The following LRRC8B variants were observed in gnomAD, a reference collection of about 807,000 sequenced individuals.
LRRC8B encodes volume-regulated anion channel subunit LRRC8B.
In LRRC8B, 23 loss-of-function variants were observed where a neutral mutation model predicts 58.8. That is an observed-to-expected ratio of 0.39 (90% CI 0.28 to 0.55). The LOEUF (loss-of-function observed/expected upper bound fraction) is 0.55, where lower values mean the gene tolerates loss of function less well. Among genes scored for constraint, LRRC8B ranks in the 20% least tolerant of loss-of-function variants. The probability of loss-of-function intolerance (pLI) is 0.62; values close to 1 mark genes in which losing one functional copy is unlikely to be tolerated. For missense variants in LRRC8B, 694 were observed against 936.0 expected, an observed-to-expected ratio of 0.74 and a Z score of 3.37; for synonymous variants, 359 against 374.1, an observed-to-expected ratio of 0.96 and a Z score of 0.47.
At chr1:89,567,265 G>A (rs144097334) in intron 1 of LRRC8B, among the ~76,000 whole-genome samples, 144 of 152,294 alleles carry the variant, frequency 9.5e-4, no homozygotes, top group African/African-American at 3.3e-3. Context: ...AGGAAGAAAG[G>A]TGATAAGTTT....
At chr1:89,526,166 C>A (rs1649679308) in intron 1 of LRRC8B, among the ~76,000 whole-genome samples, 1 of 152,198 alleles carries the variant, frequency 6.6e-6, no homozygotes, top group Non-Finnish European at 1.5e-5. Context: ...CCAGTACCCT[C>A]TATGTGTACA....
rs187670143 is a variant in LRRC8B at position 89,569,983 on chromosome 1, G to A, written c.-125+1490G>A. ...TGGCTTGCAGAACATTTGGTTTTCT[G>A]TTCCTGCATTAGTTTGCTAAGGATA... On this transcript the variant is annotated intron_variant, in intron 3 of 5. Transcript: ENST00000330947. 2.0e-4 allele frequency among the ~76,000 whole-genome samples: 31 copies of A among 152,192 alleles called. No individual in the cohort carries two copies. The East Asian group carries it at 6.0e-3, about 29-fold the overall frequency.
At chr1:89,559,420 C>T (rs1359349897) in intron 1 of LRRC8B, among the ~76,000 whole-genome samples, 2 of 151,816 alleles carry the variant, frequency 1.3e-5, no homozygotes, top group Admixed American at 1.3e-4. Context: ...CGAGGTGGGA[C>T]AATTGCTTGT....
chr1:89,591,031 C>A (rs1449146876), intron 5 of LRRC8B, among the ~76,000 whole-genome samples: 1 of 152,132 alleles, frequency 6.6e-6, no homozygotes, highest in Non-Finnish European at 1.5e-5. Context: ...ATTTTTCCAC[C>A]CACAATGTCA....
rs372161302 is a variant in LRRC8B at position 89,590,929 on chromosome 1, A to C, written c.2140-1842A>C. ...TCTGGAAACATTTTTGGTTGTCACA[A>C]CTGGGAAGGGGAGTGGCACTGGTAA... On this transcript the variant is annotated intron_variant, in intron 5 of 5. Coordinates refer to ENST00000330947, the MANE Select transcript of LRRC8B (RefSeq NM_001369817.2). Among the ~76,000 whole-genome samples, 7 of 152,282 alleles carry C rather than the reference A, an allele frequency of 4.6e-5. No individual in the cohort carries two copies. The South Asian group carries it at 1.5e-3, about 32-fold the overall frequency.
Position 89,595,700 on chromosome 1 carries a change from AC to A in LRRC8B, c.*2658del, listed in dbSNP as rs759117984. The A allele has an allele frequency of 3.3e-5, 5 of 152,150 alleles. No individual in the cohort carries two copies. Among genetic ancestry groups the A allele is most frequent in the Non-Finnish European group, 7.4e-5 (5 of 67,976 alleles). The allele number at this position is 152,150 out of a possible 1,614,324, so 9.4% of individuals were successfully genotyped here. On this transcript the variant is annotated 3_prime_UTR_variant, in exon 6 of 6. Transcript: ENST00000330947. The stretch of plus-strand genomic sequence containing the variant: ...CACCAGTGTTTAGGTCGCTTTTGAG[AC>A]AAGGTAGCCCTGATGCAAGGAAAAA...
chr1:89,534,847 C>G (rs1467818713), intron 1 of LRRC8B, among the ~76,000 whole-genome samples: 3 of 152,112 alleles, frequency 2.0e-5, no homozygotes, highest in African/African-American at 4.8e-5. Flanking sequence ...TTGATTAGGT[C>G]TTCCTCCAGT....
chr1:89,526,691 G>A (rs1649723475), intron 1 of LRRC8B, among the ~76,000 whole-genome samples: 1 of 152,156 alleles, frequency 6.6e-6, no homozygotes, highest in African/African-American at 2.4e-5. Context: ...TTGAATGGGG[G>A]TGATGTTGTC....
chr1:89,573,032 G>A lies in LRRC8B; in HGVS notation c.-125+4539G>A, dbSNP rs545027475. Among the ~76,000 whole-genome samples, 118 of 152,260 alleles carry A rather than the reference G, an allele frequency of 7.7e-4. 1 individual carries two copies. Among genetic ancestry groups the A allele is most frequent in the African/African-American group, 2.7e-3 (113 of 41,560 alleles). Reference sequence around the variant, plus strand: ...AACTCAAATGTCGGCCAGGCACGGTGGTTCACGCCTGTAATCCCAGCACTT... The same window carrying A: ...AACTCAAATGTCGGCCAGGCACGGTAGTTCACGCCTGTAATCCCAGCACTT... On this transcript the variant is annotated intron_variant, in intron 3 of 5. Coordinates refer to ENST00000330947, the MANE Select transcript of LRRC8B (RefSeq NM_001369817.2).
intron 1 of LRRC8B, among the ~76,000 whole-genome samples, chr1:89,563,816 A>G (rs1048327935): frequency 2.4e-4 from 37 of 152,308 alleles, no homozygotes; most frequent in Middle Eastern, 6.8e-3. Context: ...TATTATCCCT[A>G]TTTTACAGAT....
intron 1 of LRRC8B, among the ~76,000 whole-genome samples, chr1:89,543,177 C>A (rs1391151884): frequency 2.6e-5 from 4 of 152,120 alleles, no homozygotes; most frequent in African/African-American, 9.7e-5. Context: ...TGAAATTCAG[C>A]CTTATTCAGT....
At chr1:89,531,712 A>G (rs1650147222) in intron 1 of LRRC8B, among the ~76,000 whole-genome samples, 1 of 152,192 alleles carries the variant, frequency 6.6e-6, no homozygotes, top group Admixed American at 6.5e-5. Context: ...ACAGACACAA[A>G]TCTCCCGAAC....
At position 89,595,324 on chromosome 1, in the gene LRRC8B, A is replaced by C. The variant is rs1342190301; in HGVS notation, c.*2281A>C. 6.6e-6 allele frequency: 1 copy of C among 152,146 alleles called. No homozygotes were observed. The highest frequency in any genetic ancestry group is 1.5e-5 in the Non-Finnish European group (1 of 67,974). The allele number at this position is 152,146 out of a possible 1,614,324, so 9.4% of individuals were successfully genotyped here. On this transcript the variant is annotated 3_prime_UTR_variant, in exon 6 of 6. Coordinates refer to ENST00000330947, the MANE Select transcript of LRRC8B (RefSeq NM_001369817.2). ...TGTTTATTTTAGTGTTTCACAATAG[A>C]ATTATCATGTATACTGATTCCAGTG...
intron 3 of LRRC8B, among the ~76,000 whole-genome samples, chr1:89,573,057 T>C (rs1653579870): frequency 6.6e-6 from 1 of 152,070 alleles, no homozygotes; most frequent in Non-Finnish European, 1.5e-5. Flanking sequence ...TCCCAGCACT[T>C]TGGGAGGCTG....
chr1:89,592,968 T>C lies in LRRC8B; in HGVS notation c.2337T>C (p.Ile779=). ...AGTCCCTAAAACGGAACTGTCTGATTGTTGAGGAGAACTTGCTCAATACTC... is the reference window on the plus strand; with the variant it reads ...AGTCCCTAAAACGGAACTGTCTGATCGTTGAGGAGAACTTGCTCAATACTC... ...GCQSLKRNCL[I]VEENLLNTLP... The change falls in exon 6 of 6, where the codon ATT becomes ATC. Residue 779 remains isoleucine, a synonymous_variant. Transcript: ENST00000330947. 1 of 1,614,174 alleles carries C rather than the reference T, an allele frequency of 6.2e-7. No individual in the cohort carries two copies. The highest frequency in any genetic ancestry group is 1.7e-5 in the Admixed American group (1 of 60,026).
chr1:89,535,359 G>T (rs538308774), intron 1 of LRRC8B, among the ~76,000 whole-genome samples: 2 of 152,248 alleles, frequency 1.3e-5, no homozygotes, highest in East Asian at 3.9e-4. Context: ...TATCCGATAG[G>T]GAAAGAGCAT....
intron 1 of LRRC8B, among the ~76,000 whole-genome samples, chr1:89,545,937 G>C (rs988906829): frequency 1.3e-5 from 2 of 152,180 alleles, no homozygotes; most frequent in African/African-American, 4.8e-5. Flanking sequence ...ATACATCCAG[G>C]ATTTGCTTCA....
intron 1 of LRRC8B, among the ~76,000 whole-genome samples, chr1:89,560,779 T>C (rs1221287793): frequency 6.6e-6 from 1 of 150,858 alleles, no homozygotes; most frequent in Admixed American, 6.6e-5. Flanking sequence ...CTTAATCCAG[T>C]CTATCATTGT....
intron 5 of LRRC8B, 85 bp from the exon 6 acceptor site, chr1:89,592,686 T>TC (rs912434792): frequency 8.2e-7 from 1 of 1,219,294 alleles, no homozygotes; most frequent in Non-Finnish European, 1.2e-6. Flanking sequence ...ATGTTTTGTT[T>TC]TTTTTTTTTT....
Sources: gnomAD v4.1 joint callset for allele counts (sites outside exome capture counted in the v4.1 genomes callset) on GRCh38, gnomAD v4.1.1 for gene constraint, MANE v1.5 for transcripts, NCBI Gene and HGNC (gene_info 2026-07-23, HGNC 2026-07-21) for gene names.